The following ANKHD1 variants were observed in gnomAD, a reference collection of about 807,000 sequenced individuals.
ANKHD1 encodes ankyrin repeat and KH domain containing 1.
ANKHD1 carries 31 observed loss-of-function variants against 230.5 expected under a neutral mutation model. The observed-to-expected ratio is 0.13, with a 90% CI of 0.10 to 0.18. The LOEUF (loss-of-function observed/expected upper bound fraction) is 0.18, where lower values mean the gene tolerates loss of function less well. ANKHD1 is among the 10% of genes least tolerant of loss of function. The probability of loss-of-function intolerance (pLI) is 1.00; values close to 1 mark genes in which losing one functional copy is unlikely to be tolerated. For missense variants in ANKHD1, 2,256 were observed against 3,071.3 expected (o/e 0.73, Z 6.27); for synonymous variants, 1,074 against 1,117.6 (o/e 0.96, Z 0.78).
At chr5:140,435,833 C>T (rs1773409892) in intron 1 of ANKHD1, among the ~76,000 whole-genome samples, 1 of 152,104 alleles carries the variant, frequency 6.6e-6, no homozygotes, top group African/African-American at 2.4e-5. Flanking sequence ...CTGTGACTGG[C>T]CTTAATATTG....
chr5:140,527,559 TTGA>T lies in ANKHD1; in HGVS notation c.5088-311_5088-309del, dbSNP rs1446606510. The stretch of plus-strand genomic sequence containing the variant: ...TTTTAACAGGGTCATTGCAGTTTAG[TTGA>T]TGTGTAATATTTTGGGCAGATTTGA... On this transcript the variant is annotated intron_variant, in intron 27 of 33. Transcript: ENST00000360839. The surrounding 1 kb of genome is among the most constrained non-coding windows in gnomAD (Gnocchi z 4.5). 8.8e-6 allele frequency: 2 copies of T among 226,654 alleles called. No individual in the cohort carries two copies. The highest frequency in any genetic ancestry group is 1.7e-5 in the Non-Finnish European group (2 of 116,418). The allele number at this position is 226,654 out of a possible 1,614,324, so 14.0% of individuals were successfully genotyped here. A position where few individuals can be genotyped will look rare whatever the true frequency, so the allele number is the denominator to read the frequency against.
chr5:140,517,976 C>G (rs1458778824), intron 24 of ANKHD1, among the ~76,000 whole-genome samples: 2 of 151,890 alleles, frequency 1.3e-5, no homozygotes, highest in South Asian at 4.2e-4. Flanking sequence ...CACAAAAAAA[C>G]CCTTCAAAAA....
In ANKHD1 at chr5:140,505,758, G is replaced by A. The variant is rs1276138662; in HGVS notation, c.3297G>A (p.Gly1099=). 1 of 1,612,268 alleles carries A rather than the reference G, an allele frequency of 6.2e-7. No individual in the cohort carries two copies. The highest frequency in any genetic ancestry group is 1.3e-5 in the African/African-American group (1 of 74,734). The change falls in exon 18 of 34, where the codon GGG becomes GGA. Residue 1099 remains glycine (G), a synonymous_variant. Transcript: ENST00000360839. ...FTPLILAATA[G]HVGVVEILLD... ...CACTAATCCTGGCAGCAACAGCAGG[G>A]CATGTTGGAGTTGTTGAAATCCTTT...
intron 14 of ANKHD1, among the ~76,000 whole-genome samples, chr5:140,493,351 C>T (rs1751891518): frequency 6.6e-6 from 1 of 152,200 alleles, no homozygotes; most frequent in Admixed American, 6.5e-5. Flanking sequence ...AGGTGTGAGC[C>T]ACCGCACCCG....
Position 140,506,126 on chromosome 5 carries a change from A to T in ANKHD1, c.3408+257A>T, listed in dbSNP as rs1752525894. On this transcript the variant is annotated intron_variant, in intron 18 of 33. Transcript: ENST00000360839. This position sits in a 1 kb window ranked among gnomAD's most constrained non-coding sequence, Gnocchi z 4.7. ...TGTTTTGTAGAGATGGGGTCATGTA[A>T]TGTTGCCCTGGCCGATTTCAAACTC... 6.6e-6 allele frequency among the ~76,000 whole-genome samples: 1 copy of T among 151,964 alleles called. No individual in the cohort carries two copies. The highest frequency in any genetic ancestry group is 2.4e-5 in the African/African-American group (1 of 41,360).
chr5:140,450,602 C>G (rs1774654852), intron 7 of ANKHD1, among the ~76,000 whole-genome samples: 1 of 151,960 alleles, frequency 6.6e-6, no homozygotes, highest in South Asian at 2.1e-4. Flanking sequence ...TGCAGTGGCA[C>G]TGTCATGGCT....
At chr5:140,472,712 C>T (rs1023006299) in intron 10 of ANKHD1, among the ~76,000 whole-genome samples, 1 of 151,898 alleles carries the variant, frequency 6.6e-6, no homozygotes, top group Non-Finnish European at 1.5e-5. Flanking sequence ...CTCAAATAAA[C>T]AAAAAAATTA....
intron 7 of ANKHD1, among the ~76,000 whole-genome samples, chr5:140,452,685 CAGAA>C (rs1365783212): frequency 1.3e-5 from 2 of 152,164 alleles, no homozygotes; most frequent in South Asian, 2.1e-4. Flanking sequence ...AACTAACAAA[CAGAA>C]AGGACATCCA....
At chr5:140,430,205 A>T (rs188076962) in intron 1 of ANKHD1, among the ~76,000 whole-genome samples, 56 of 152,328 alleles carry the variant, frequency 3.7e-4, no homozygotes, top group Non-Finnish European at 7.6e-4. Flanking sequence ...AGGAGATATA[A>T]GGGAAAAACA....
At chr5:140,435,571 G>A (rs1351651491) in intron 1 of ANKHD1, among the ~76,000 whole-genome samples, 1 of 151,942 alleles carries the variant, frequency 6.6e-6, no homozygotes, top group African/African-American at 2.4e-5. Flanking sequence ...TAGAGATGAG[G>A]TTTCACCATG....
At chr5:140,513,670 G>T (rs1752858014) in intron 24 of ANKHD1, among the ~76,000 whole-genome samples, 191 bp downstream of exon 24, 1 of 152,046 alleles carries the variant, frequency 6.6e-6, no homozygotes, top group Non-Finnish European at 1.5e-5. Context: ...TTAGCCAGGT[G>T]TGGTGGCACA....
chr5:140,520,127 C>G (rs1753256023), intron 24 of ANKHD1, among the ~76,000 whole-genome samples: 1 of 151,714 alleles, frequency 6.6e-6, no homozygotes, highest in South Asian at 2.1e-4. Context: ...AGGACATGAA[C>G]AGACACTTCT....
intron 1 of ANKHD1, among the ~76,000 whole-genome samples, chr5:140,424,140 T>C (rs1342291648): frequency 6.6e-6 from 1 of 152,148 alleles, no homozygotes; most frequent in Non-Finnish European, 1.5e-5. Flanking sequence ...TTAGAACATA[T>C]CAAGCTCTTA....
In ANKHD1 at chr5:140,445,891, A is replaced by G. The variant is rs756360911; in HGVS notation, c.1063A>G (p.Arg355Gly). ...CAGTGCAGGTCATGTGGAAGTTGCAAGAGTTCTTTTAGATCATGGTGCAGG... is the reference window on the plus strand; with the variant it reads ...CAGTGCAGGTCATGTGGAAGTTGCAGGAGTTCTTTTAGATCATGGTGCAGG... ...AASAGHVEVARVLLDHGAGIN... is the reference protein window; with the variant it reads ...AASAGHVEVAGVLLDHGAGIN... The change falls in exon 6 of 34, where the codon AGA (arginine) becomes GGA (glycine). Residue 355 changes from arginine (R) to glycine (G), a missense_variant. Around this residue, in one of 13 missense-constraint regions of ANKHD1, gnomAD observed 206 missense variants for 304.5 expected, o/e 0.68. Transcript: ENST00000360839. The G allele has an allele frequency of 1.9e-6, 3 of 1,613,702 alleles. No individual in the cohort carries two copies. Among genetic ancestry groups the G allele is most frequent in the East Asian group, 2.2e-5 (1 of 44,842 alleles).
chr5:140,428,915 T>A (rs1772783791), intron 1 of ANKHD1, among the ~76,000 whole-genome samples: 1 of 151,858 alleles, frequency 6.6e-6, no homozygotes, highest in South Asian at 2.1e-4. Context: ...CCCGAGTAGC[T>A]GTGACTACAG....
At chr5:140,523,725 T>C (rs1403151774) in intron 24 of ANKHD1, among the ~76,000 whole-genome samples, 2 of 152,032 alleles carry the variant, frequency 1.3e-5, no homozygotes, top group Non-Finnish European at 2.9e-5. Context: ...CACACCCAGT[T>C]AATTTTTGTA....
chr5:140,457,675 A>T (rs999821506), intron 7 of ANKHD1, among the ~76,000 whole-genome samples: 1 of 152,092 alleles, frequency 6.6e-6, no homozygotes, highest in Non-Finnish European at 1.5e-5. Flanking sequence ...GGACACAGGA[A>T]GGGGAACATC....
chr5:140,526,893 A>C (rs987512062), intron 26 of ANKHD1, 35 bp from the exon 27 acceptor site: 1 of 1,584,524 alleles, frequency 6.3e-7, no homozygotes, highest in East Asian at 2.3e-5. Flanking sequence ...CTTAAAACTT[A>C]TCTTTTATTG....
chr5:140,469,851 A>G (rs1776366978), intron 10 of ANKHD1, among the ~76,000 whole-genome samples: 1 of 151,316 alleles, frequency 6.6e-6, no homozygotes, highest in Non-Finnish European at 1.5e-5. Context: ...ATTTAAGTGG[A>G]TTCAGTTTTT....
Sources: allele counts gnomAD v4.1 joint callset (sites outside exome capture counted in the v4.1 genomes callset), GRCh38; gene constraint gnomAD v4.1.1; regional missense constraint gnomAD v4.1.1; non-coding constraint Gnocchi (gnomAD v3.1); transcripts MANE v1.5; gene names NCBI Gene and HGNC (gene_info 2026-07-23, HGNC 2026-07-21).